The following IDO2 variants were observed in gnomAD, a reference collection of about 807,000 sequenced individuals.
The protein encoded by IDO2 is indoleamine 2,3-dioxygenase 2.
A neutral mutation model predicts 45.1 loss-of-function variants in IDO2; 46 were observed. That is an observed-to-expected ratio of 1.02 (90% CI 0.80 to 1.30). IDO2 has a LOEUF of 1.30. Ranked by LOEUF, IDO2 falls within the 50% of genes most tolerant of loss-of-function variation. The pLI, the probability that IDO2 is intolerant of heterozygous loss-of-function variation, is 0.00. For missense variants in IDO2, 544 were observed against 491.8 expected, an observed-to-expected ratio of 1.11 and a Z score of -1.00; for synonymous variants, 218 against 184.9, an observed-to-expected ratio of 1.18 and a Z score of -1.45.
intron 3 of IDO2, among the ~76,000 whole-genome samples, chr8:39,969,947 A>G (rs1808155110): frequency 6.6e-6 from 1 of 152,162 alleles, no homozygotes; most frequent in Admixed American, 6.5e-5. Context: ...AAAACCAGAT[A>G]GGCTTAAAGC....
At chr8:39,988,810 T>C (rs1048396159) in intron 7 of IDO2, among the ~76,000 whole-genome samples, 2 of 152,128 alleles carry the variant, frequency 1.3e-5, no homozygotes, top group African/African-American at 4.8e-5. Flanking sequence ...TCTTTCTCTC[T>C]CAGTAGTTAA....
At chr8:39,988,269 G>C (rs1015568928) in intron 7 of IDO2, among the ~76,000 whole-genome samples, 1 of 152,148 alleles carries the variant, frequency 6.6e-6, no homozygotes, top group Non-Finnish European at 1.5e-5. Flanking sequence ...GCTTATGATG[G>C]ATACAGTGGA....
chr8:39,960,967 T>C (rs1161146729), intron 2 of IDO2, among the ~76,000 whole-genome samples: 1 of 152,086 alleles, frequency 6.6e-6, no homozygotes, highest in Non-Finnish European at 1.5e-5. Flanking sequence ...GTATTTTTAG[T>C]AGAGACGGGG....
intron 1 of IDO2, among the ~76,000 whole-genome samples, chr8:39,947,809 T>C (rs1178841405): frequency 6.7e-6 from 1 of 148,944 alleles, no homozygotes; most frequent in Non-Finnish European, 1.5e-5. Flanking sequence ...TTTTTCGAGA[T>C]GGAATTTCAC....
chr8:40,000,271 G>A (rs1168499408), intron 8 of IDO2, among the ~76,000 whole-genome samples: 1 of 151,974 alleles, frequency 6.6e-6, no homozygotes, highest in Non-Finnish European at 1.5e-5. Flanking sequence ...AACTAGCTGG[G>A]CGTAGTGGCG....
intron 3 of IDO2, among the ~76,000 whole-genome samples, chr8:39,975,198 C>G (rs1288117539): frequency 6.9e-6 from 1 of 144,746 alleles, no homozygotes; most frequent in Non-Finnish European, 1.5e-5. Flanking sequence ...CGGAGTCTCA[C>G]TCTGTCGCCC....
chr8:40,008,077 T>C (rs1802249903), intron 9 of IDO2, among the ~76,000 whole-genome samples: 1 of 148,252 alleles, frequency 6.7e-6, no homozygotes, highest in Non-Finnish European at 1.5e-5. Context: ...GACAGAGTCT[T>C]GCTTTGTCAC....
At chr8:39,953,828 TC>T (rs1407777744) in intron 2 of IDO2, among the ~76,000 whole-genome samples, 8 of 152,122 alleles carry the variant, frequency 5.3e-5, no homozygotes, top group African/African-American at 1.9e-4. Flanking sequence ...GCCCTCTGTC[TC>T]AAAACAAAAA....
intron 10 of IDO2, among the ~76,000 whole-genome samples, chr8:40,014,429 T>A (rs1318617053): frequency 1.3e-5 from 2 of 152,238 alleles, no homozygotes; most frequent in East Asian, 3.8e-4. Flanking sequence ...GATTTTTAAA[T>A]CACTTGGCTT....
chr8:39,934,784 G>A, exon 1 of IDO2: 2 of 290,924 alleles, frequency 6.9e-6, no homozygotes, highest in Non-Finnish European at 1.3e-5. Context: ...TTTGCCATAG[G>A]AGTGGCAGCC....
intron 3 of IDO2, among the ~76,000 whole-genome samples, chr8:39,973,620 C>T (rs1365352921): frequency 1.3e-5 from 2 of 152,086 alleles, no homozygotes; most frequent in African/African-American, 4.8e-5. Context: ...GGTATATATA[C>T]TTGTGACCAA....
exon 11 of IDO2, chr8:40,016,187 A>G (rs969276453): frequency 2.5e-6 from 1 of 397,700 alleles, no homozygotes; most frequent in African/African-American, 2.1e-5. Flanking sequence ...ATGATATGGG[A>G]ACGGATGAGA....
intron 1 of IDO2, among the ~76,000 whole-genome samples, chr8:39,941,260 T>C (rs1346515596): frequency 7.0e-6 from 1 of 143,272 alleles, no homozygotes; most frequent in Non-Finnish European, 1.5e-5. Context: ...TAACTGGGAC[T>C]ACAGGCATGC....
At chr8:39,976,417 G>C (rs1388586938) in intron 3 of IDO2, among the ~76,000 whole-genome samples, 1 of 152,136 alleles carries the variant, frequency 6.6e-6, no homozygotes, top group Non-Finnish European at 1.5e-5. Flanking sequence ...GGTACACAGA[G>C]GGTTGCAAAA....
chr8:40,000,333 C>A (rs1021686732), intron 8 of IDO2, among the ~76,000 whole-genome samples: 4 of 151,902 alleles, frequency 2.6e-5, no homozygotes, highest in African/African-American at 9.7e-5. Flanking sequence ...TCGCTTGAAC[C>A]CAGGAGGCGG....
At chr8:39,951,514 T>C (rs931933810) in intron 2 of IDO2, among the ~76,000 whole-genome samples, 1 of 152,148 alleles carries the variant, frequency 6.6e-6, no homozygotes, top group Non-Finnish European at 1.5e-5. Context: ...ACTTAATAGC[T>C]CTTGTGACTT....
chr8:39,949,077 G>C (rs1807778288), intron 1 of IDO2, 72 bp from the exon 2 acceptor site: 7 of 1,537,058 alleles, frequency 4.6e-6, no homozygotes, highest in East Asian at 2.4e-5. Flanking sequence ...CAACTAACTG[G>C]AACCGAAGGA....
chr8:39,950,668 C>G (rs901917992), intron 2 of IDO2, among the ~76,000 whole-genome samples: 4 of 152,218 alleles, frequency 2.6e-5, no homozygotes, highest in African/African-American at 4.8e-5. Context: ...TACCCTACTG[C>G]TGTGTCCAGC....
intron 4 of IDO2, among the ~76,000 whole-genome samples, chr8:39,979,715 T>C (rs1239032628): frequency 4.6e-5 from 7 of 152,068 alleles, no homozygotes; most frequent in Non-Finnish European, 8.8e-5. Context: ...GCTAATTTGT[T>C]TTTTAAACTG....
Sources: allele counts gnomAD v4.1 joint callset (sites outside exome capture counted in the v4.1 genomes callset), GRCh38; gene constraint gnomAD v4.1.1; transcripts MANE v1.5; gene names NCBI Gene and HGNC (gene_info 2026-07-23, HGNC 2026-07-21).